OLFML2A: variants seen among roughly 807,000 people sequenced by gnomAD.
OLFML2A encodes olfactomedin-like protein 2A.
Under a neutral mutation model 60.9 loss-of-function variants are expected in OLFML2A, and 47 were observed. The observed-to-expected ratio is 0.77, with a 90% CI of 0.61 to 0.98. OLFML2A has a LOEUF of 0.98. Among genes scored for constraint, OLFML2A ranks in the 50% least tolerant of loss-of-function variants. The pLI is 0.00. For missense variants in OLFML2A, 922 were observed against 879.8 expected (o/e 1.05, Z -0.61); for synonymous variants, 372 against 375.0 (o/e 0.99, Z 0.09).
chr9:124,782,063 G>A (rs771655865), intron 1 of OLFML2A, among the ~76,000 whole-genome samples: 13 of 152,210 alleles, frequency 8.5e-5, no homozygotes, highest in Non-Finnish European at 1.8e-4. Flanking sequence ...TTCCTGCTTG[G>A]CACAACTCCA....
intron 2 of OLFML2A, among the ~76,000 whole-genome samples, chr9:124,789,768 T>C (rs1421526601): frequency 6.6e-6 from 1 of 152,334 alleles, no homozygotes; most frequent in East Asian, 1.9e-4. Flanking sequence ...AACGCCTGAA[T>C]GAATGCCAAG....
intron 2 of OLFML2A, 59 bp downstream of exon 2, chr9:124,787,297 C>G (rs1333867918): frequency 1.3e-6 from 2 of 1,528,924 alleles, no homozygotes; most frequent in African/African-American, 1.4e-5. Context: ...AGCCTGCTGT[C>G]CTGCCAGTGA....
intron 2 of OLFML2A, 75 bp from the exon 3 acceptor site, chr9:124,794,949 G>C: frequency 1.2e-6 from 1 of 852,410 alleles, no homozygotes. Context: ...AATTGCAGCA[G>C]GGTTCCTTTT....
At position 124,777,359 on chromosome 9, in the gene OLFML2A, A is replaced by T; in HGVS notation, c.89A>T (p.Lys30Met). The T allele has an allele frequency of 1.6e-6, 2 of 1,280,960 alleles. No individual in the cohort carries two copies. Among genetic ancestry groups the T allele is most frequent in the Non-Finnish European group, 2.0e-6 (2 of 1,009,638 alleles). 79.3% of individuals were successfully genotyped at this position (1,280,960 alleles called of 1,614,324 possible). Residue 30 changes from lysine (K) to methionine (M), a missense_variant and splice_region_variant, in exon 1 of 8, where the codon AAG becomes ATG. Transcript: ENST00000373580. The surrounding 1 kb of genome is among the most constrained non-coding windows in gnomAD (Gnocchi z 6.2). ...LSGRPTRADS[K>M]VFGDLDQVRM... ...GGCCGCCCCACGCGCGCCGACAGTA[A>T]GGTACGCACGCCCCTCGGACCCGCG...
chr9:124,811,550 T>G lies in OLFML2A; in HGVS notation c.*1138T>G, dbSNP rs1842021546. ...AGCAGCCTGGGGGCTGCAGAAGACA[T>G]GGTGTGAGTAGTTGGGTCCAGGGGA... On this transcript the variant is annotated 3_prime_UTR_variant, in exon 8 of 8. Transcript: ENST00000373580. The G allele has an allele frequency of 6.6e-6, 1 of 152,432 alleles. No individual in the cohort carries two copies. Among genetic ancestry groups the G allele is most frequent in the Non-Finnish European group, 1.5e-5 (1 of 68,096 alleles). The allele number at this position is 152,432 out of a possible 1,614,324, so 9.4% of individuals were successfully genotyped here.
chr9:124,800,456 G>A (rs186611855), intron 4 of OLFML2A, among the ~76,000 whole-genome samples: 57 of 152,398 alleles, frequency 3.7e-4, no homozygotes, highest in Non-Finnish European at 7.8e-4. Flanking sequence ...GAGGCATGGA[G>A]AGAGGTCACA....
At chr9:124,789,145 A>G (rs1841531439) in intron 2 of OLFML2A, among the ~76,000 whole-genome samples, 1 of 152,158 alleles carries the variant, frequency 6.6e-6, no homozygotes. Flanking sequence ...GCTCAGGCTA[A>G]TCTCAAACTC....
intron 1 of OLFML2A, among the ~76,000 whole-genome samples, chr9:124,782,103 G>A (rs570475781): frequency 4.6e-5 from 7 of 152,326 alleles, no homozygotes; most frequent in African/African-American, 1.7e-4. Flanking sequence ...GGTGGGCTGG[G>A]CCTAGTAGGA....
chr9:124,792,009 G>A (rs903526852), intron 2 of OLFML2A, among the ~76,000 whole-genome samples: 1 of 152,188 alleles, frequency 6.6e-6, no homozygotes, highest in African/African-American at 2.4e-5. Context: ...AGCACAGGCT[G>A]CTCCCTTTAC....
chr9:124,787,237 A>G lies in OLFML2A; in HGVS notation c.353A>G (p.Lys118Arg). ...AAAAAGCAGGCGCCCGAGCTCCTCA[A>G]GGTAGACTTGGTGGGGTGATGGAGG... ...KLKKQAPELL[K>R]LQSMVDLLEG... The change falls in exon 2 of 8, where the codon AAG (lysine) becomes AGG (arginine). Residue 118 changes from lysine (K) to arginine (R), a missense_variant and splice_region_variant. Lys to Arg is a conservative substitution (Grantham distance 26). Transcript: ENST00000373580. The G allele has an allele frequency of 1.2e-6, 2 of 1,613,152 alleles. No individual in the cohort carries two copies. Among genetic ancestry groups the G allele is most frequent in the African/African-American group, 1.3e-5 (1 of 75,032 alleles).
intron 1 of OLFML2A, among the ~76,000 whole-genome samples, chr9:124,778,316 G>C (rs1490285563): frequency 6.6e-6 from 1 of 151,160 alleles, no homozygotes; most frequent in Non-Finnish European, 1.5e-5. Context: ...AGCCGAGATC[G>C]CGCCACTGCA....
In OLFML2A at chr9:124,777,509, G is replaced by A; in HGVS notation, c.90+149G>A. The A allele has an allele frequency of 1.1e-6, 1 of 879,850 alleles. No homozygotes were observed. The highest frequency in any genetic ancestry group is 1.5e-6 in the Non-Finnish European group (1 of 673,924). The allele number at this position is 879,850 out of a possible 1,614,324, so 54.5% of individuals were successfully genotyped here. On this transcript the variant is annotated intron_variant, in intron 1 of 7. Transcript: ENST00000373580. The surrounding 1 kb of genome is among the most constrained non-coding windows in gnomAD (Gnocchi z 6.2). ...GAACCTGGGACTTCTCAGCACTGAAGCCGCAGGGGCAGGGGCCCCGAGAGA... is the reference window on the plus strand; with the variant it reads ...GAACCTGGGACTTCTCAGCACTGAAACCGCAGGGGCAGGGGCCCCGAGAGA...
intron 1 of OLFML2A, among the ~76,000 whole-genome samples, chr9:124,781,463 G>T (rs1472154126): frequency 6.6e-6 from 1 of 152,102 alleles, no homozygotes; most frequent in Non-Finnish European, 1.5e-5. Context: ...GTGAGGCGGG[G>T]CTGGCCATGA....
chr9:124,801,198 C>A, intron 4 of OLFML2A: 1 of 928,558 alleles, frequency 1.1e-6, no homozygotes, highest in Non-Finnish European at 1.6e-6. Flanking sequence ...TTCAAGCCTG[C>A]AAGGGAGCTA....
At chr9:124,797,309 A>AT (rs1337723385) in intron 3 of OLFML2A, among the ~76,000 whole-genome samples, 2 of 152,212 alleles carry the variant, frequency 1.3e-5, no homozygotes, top group Non-Finnish European at 1.5e-5. Flanking sequence ...ATGCACTGTC[A>AT]TATTCCATAG....
rs1180211523 is a variant in OLFML2A, at chr9:124,777,986, C to G, written c.90+626C>G. The stretch of plus-strand genomic sequence containing the variant: ...GCCCATCTGAGCCTCCGTCTATTCA[C>G]CTGTAGATACAGGGAGAATCATGGG... On this transcript the variant is annotated intron_variant, in intron 1 of 7. Transcript: ENST00000373580. This position sits in a 1 kb window ranked among gnomAD's most constrained non-coding sequence, Gnocchi z 6.2. 6.6e-6 allele frequency among the ~76,000 whole-genome samples: 1 copy of G among 152,174 alleles called. No individual in the cohort carries two copies. Among genetic ancestry groups the G allele is most frequent in the Non-Finnish European group, 1.5e-5 (1 of 68,022 alleles).
At chr9:124,783,049 C>T (rs1406452328) in intron 1 of OLFML2A, among the ~76,000 whole-genome samples, 1 of 151,964 alleles carries the variant, frequency 6.6e-6, no homozygotes, top group Non-Finnish European at 1.5e-5. Flanking sequence ...TGTTGGTGTT[C>T]ACAGGCAGAG....
chr9:124,802,206 G>A (rs1841791288), intron 5 of OLFML2A, among the ~76,000 whole-genome samples: 1 of 152,138 alleles, frequency 6.6e-6, no homozygotes, highest in African/African-American at 2.4e-5. Flanking sequence ...CACAGAGAAG[G>A]GTGACAAAGT....
Position 124,810,071 on chromosome 9 carries a change from C to A in OLFML2A, c.1618C>A (p.Arg540Ser), listed in dbSNP as rs776051451. 1.9e-6 allele frequency: 3 copies of A among 1,613,740 alleles called. No homozygotes were observed. The highest frequency in any genetic ancestry group is 2.5e-6 in the Non-Finnish European group (3 of 1,180,010). ...GGTCATCTACCCCGCCGTGGACGAC[C>A]GCGATGAGGCCCAGCCCGAGGTGAT... ...LWVIYPAVDD[R>S]DEAQPEVIVL... The change falls in exon 8 of 8, where the codon CGC becomes AGC. Residue 540 changes from arginine to serine, a missense_variant. Transcript: ENST00000373580.
Sources: gnomAD v4.1 joint callset for allele counts (sites outside exome capture counted in the v4.1 genomes callset) on GRCh38, gnomAD v4.1.1 for gene constraint, Gnocchi (gnomAD v3.1) non-coding constraint, MANE v1.5 for transcripts, NCBI Gene and HGNC (gene_info 2026-07-23, HGNC 2026-07-21) for gene names.